BCAT1: variants seen among roughly 807,000 people sequenced by gnomAD.
BCAT1 encodes the protein branched-chain-amino-acid aminotransferase, cytosolic.
A neutral mutation model predicts 52.4 loss-of-function variants in BCAT1; 48 were observed. The ratio of observed to expected loss-of-function variants is 0.92; its 90% confidence interval spans 0.73 to 1.16. The LOEUF (loss-of-function observed/expected upper bound fraction) is 1.16, where lower values mean the gene tolerates loss of function less well. BCAT1 is among the 50% of genes most tolerant of loss of function. The probability of loss-of-function intolerance (pLI) is 0.00; values close to 1 mark genes in which losing one functional copy is unlikely to be tolerated. For synonymous variants in BCAT1, 167 were observed against 161.3 expected (o/e 1.04, Z -0.27); for missense variants, 451 against 457.1 (o/e 0.99, Z 0.12).
At chr12:24,874,044 G>A (rs1942257164) in intron 5 of BCAT1, among the ~76,000 whole-genome samples, 1 of 152,224 alleles carries the variant, frequency 6.6e-6, no homozygotes, top group Non-Finnish European at 1.5e-5. Flanking sequence ...GCCGGGCATG[G>A]TGGCTCATGC....
At chr12:24,883,095 TGGAC>T (rs945628626) in intron 3 of BCAT1, among the ~76,000 whole-genome samples, 28 of 152,008 alleles carry the variant, frequency 1.8e-4, no homozygotes, top group African/African-American at 6.8e-4. Flanking sequence ...GAGACCAGCC[TGGAC>T]AACATGGTGA....
At position 24,836,371 on chromosome 12, in the gene BCAT1, T is replaced by A. The variant is rs892711877; in HGVS notation, c.903+140A>T. 1.0e-4 allele frequency: 76 copies of A among 728,362 alleles called. No homozygotes were observed. In the Middle Eastern group the frequency reaches 1.1e-3, roughly 11 times the overall value. 45.1% of individuals were successfully genotyped at this position (728,362 alleles called of 1,614,324 possible). On this transcript the variant is annotated intron_variant, in intron 8 of 10. Coordinates refer to ENST00000261192, the MANE Select transcript of BCAT1 (RefSeq NM_005504.7). ...TGCCAAGAAAGCCCTTCTAGAAGAA[T>A]ACTTTTCATTCACGTTAGAATTTAA...
intron 2 of BCAT1, 131 bp from the exon 3 acceptor site, chr12:24,894,606 ACT>A (rs1942918794): frequency 1.3e-6 from 1 of 761,316 alleles, no homozygotes; most frequent in South Asian, 1.9e-5. Flanking sequence ...GAAATTTAAC[ACT>A]CTGAGCTGAA....
intron 3 of BCAT1, among the ~76,000 whole-genome samples, chr12:24,888,393 G>A (rs772579664): frequency 1.3e-5 from 2 of 152,178 alleles, no homozygotes; most frequent in Non-Finnish European, 2.9e-5. Context: ...CAGCTACCTG[G>A]GAGGCTGAGG....
At chr12:24,903,659 G>A (rs892748522) in intron 1 of BCAT1, 4 of 152,174 alleles carry the variant, frequency 2.6e-5, no homozygotes, top group Non-Finnish European at 5.9e-5. Context: ...AGATCTCAAT[G>A]CCTTTCATCG....
At chr12:24,918,416 G>C (rs1472412181) in intron 1 of BCAT1, among the ~76,000 whole-genome samples, 1 of 152,078 alleles carries the variant, frequency 6.6e-6, no homozygotes, top group Non-Finnish European at 1.5e-5. Flanking sequence ...CTCATACAAT[G>C]TTGGAACACA....
chr12:24,902,817 G>C (rs1343844644), intron 1 of BCAT1: 19 of 1,308,058 alleles, frequency 1.5e-5, no homozygotes, highest in Non-Finnish European at 1.8e-5. Flanking sequence ...CCTCGCTGGA[G>C]GCGGAATGGA....
At position 24,822,779 on chromosome 12, in the gene BCAT1, T is replaced by G. The variant is rs150395607; in HGVS notation, c.1120-4730A>C. On this transcript the variant is annotated intron_variant, in intron 10 of 10. Coordinates refer to ENST00000261192, the MANE Select transcript of BCAT1 (RefSeq NM_005504.7). ...TCCACCTGTCCTGTGATTGCATGCC[T>G]TTGTTTCTTTGTTTAGTATGAGGTT... Among the ~76,000 whole-genome samples the G allele has an allele frequency of 1.8e-4, 28 of 152,350 alleles. No homozygotes were observed. The East Asian group carries it at 4.4e-3, about 24-fold the overall frequency.
In BCAT1 at chr12:24,817,851, T is replaced by C; in HGVS notation, c.*157A>G. ...TTTGATGATTGCAATTCATTTTCTC[T>C]GGCATGAAGAAACAATCACTCTTGT... On this transcript the variant is annotated 3_prime_UTR_variant, in exon 11 of 11. Coordinates refer to ENST00000261192, the MANE Select transcript of BCAT1 (RefSeq NM_005504.7). The C allele has an allele frequency of 2.8e-6, 2 of 714,872 alleles. No homozygotes were observed. Among genetic ancestry groups the C allele is most frequent in the South Asian group, 2.1e-5 (1 of 47,070 alleles). 44.3% of individuals were successfully genotyped at this position (714,872 alleles called of 1,614,324 possible).
At chr12:24,935,667 C>T (rs901646259) in intron 1 of BCAT1, among the ~76,000 whole-genome samples, 1 of 152,190 alleles carries the variant, frequency 6.6e-6, no homozygotes, top group African/African-American at 2.4e-5. Flanking sequence ...CTCAATTTAT[C>T]CCTTTTTCTC....
In BCAT1 at chr12:24,817,954, C is replaced by T. The variant is rs1378227681; in HGVS notation, c.*54G>A. The T allele has an allele frequency of 1.9e-6, 3 of 1,545,238 alleles. No individual in the cohort carries two copies. In the South Asian group the frequency reaches 3.4e-5, roughly 17 times the overall value. On this transcript the variant is annotated 3_prime_UTR_variant, in exon 11 of 11. Transcript: ENST00000261192. ...CACAATTCAAATGCAACAGTCTGTC[C>T]CAGTAGCATACAGTTGGTATCCTCT...
intron 1 of BCAT1, among the ~76,000 whole-genome samples, chr12:24,915,115 G>A (rs1050076682): frequency 6.6e-6 from 1 of 151,750 alleles, no homozygotes; most frequent in Non-Finnish European, 1.5e-5. Flanking sequence ...TATCATGAAG[G>A]CTCTTTTTTT....
chr12:24,883,547 G>A (rs1287974518), intron 3 of BCAT1, among the ~76,000 whole-genome samples: 1 of 152,052 alleles, frequency 6.6e-6, no homozygotes, highest in Admixed American at 6.6e-5. Context: ...GCTGCAGTGA[G>A]CTATGATTGC....
Position 24,863,934 on chromosome 12 carries a change from A to G in BCAT1, c.511-13985T>C, listed in dbSNP as rs1359281231. Among the ~76,000 whole-genome samples the G allele has an allele frequency of 3.3e-5, 5 of 152,236 alleles. No homozygotes were observed. In the East Asian group the frequency reaches 9.6e-4, roughly 29 times the overall value. On this transcript the variant is annotated intron_variant, in intron 5 of 10. Coordinates refer to ENST00000261192, the MANE Select transcript of BCAT1 (RefSeq NM_005504.7). ...TGACAGAGCAGGACCTTGTCTCAAA[A>G]AAAAAAAAGAAGCCATGCTTTTATT...
At chr12:24,927,922 G>C (rs1319848659) in intron 1 of BCAT1, among the ~76,000 whole-genome samples, 1 of 152,148 alleles carries the variant, frequency 6.6e-6, no homozygotes, top group Non-Finnish European at 1.5e-5. Context: ...TGATCCTATT[G>C]AGTTTCCAGT....
chr12:24,949,267 T>G, upstream of BCAT1: 1 of 425,802 alleles, frequency 2.3e-6, no homozygotes. Context: ...ACTCCCGGGG[T>G]GCAGGGCAGA....
At position 24,829,815 on chromosome 12, in the gene BCAT1, A is replaced by G. The variant is rs1209495411; in HGVS notation, c.1119+8T>C. On this transcript the variant is annotated splice_region_variant and intron_variant, in intron 10 of 10. Transcript: ENST00000261192. ...AGGAAAGAAAAGAAAAGAAAAGAAA[A>G]GCTTTACCTGGATATCAGTTAATTT... is the stretch of plus-strand genomic sequence containing the variant. 1.3e-6 allele frequency: 2 copies of G among 1,591,150 alleles called. No individual in the cohort carries two copies. Among genetic ancestry groups the G allele is most frequent in the African/African-American group, 1.4e-5 (1 of 73,512 alleles).
chr12:24,912,076 A>G (rs1943336149), intron 1 of BCAT1, among the ~76,000 whole-genome samples: 1 of 152,230 alleles, frequency 6.6e-6, no homozygotes, highest in African/African-American at 2.4e-5. Flanking sequence ...TGCTGAGGAA[A>G]TTAATAGCAA....
intron 3 of BCAT1, among the ~76,000 whole-genome samples, chr12:24,881,862 T>A (rs1942510353): frequency 6.6e-6 from 1 of 152,194 alleles, no homozygotes; most frequent in Non-Finnish European, 1.5e-5. Context: ...ATAATCCAGA[T>A]GTGACCAGAG....
Sources: gnomAD v4.1 joint callset for allele counts (sites outside exome capture counted in the v4.1 genomes callset) on GRCh38, gnomAD v4.1.1 for gene constraint, MANE v1.5 for transcripts, NCBI Gene and HGNC (gene_info 2026-07-23, HGNC 2026-07-21) for gene names.